Variants in RTL4 observed in about 807,000 individuals in gnomAD.
RTL4 encodes the protein retrotransposon Gag like 4, also known as retrotransposon Gag-like protein 4.
In RTL4, 4 loss-of-function variants were observed where a neutral mutation model predicts 5.3. That is an observed-to-expected ratio of 0.75 (90% CI 0.37 to 1.72). The LOEUF is 1.72. Ranked by LOEUF, RTL4 falls within the 40% of genes most tolerant of loss-of-function variation. The pLI is 0.04. For missense variants in RTL4, 260 were observed against 227.1 expected (o/e 1.14, Z -0.93); for synonymous variants, 98 against 87.3 (o/e 1.12, Z -0.68).
the RTL4 span, among the ~76,000 whole-genome samples, chrX:112,443,359 T>A: frequency 8.9e-6 from 1 of 111,937 alleles, no homozygotes; most frequent in Non-Finnish European, 1.9e-5. Flanking sequence ...TTGCTTCCAA[T>A]TCTTGGCTAT....
exon 1 of RTL4, chrX:112,454,819 C>T: frequency 8.3e-7 from 1 of 1,210,861 alleles, no homozygotes; most frequent in Non-Finnish European, 1.1e-6. Context: ...TCAAATGCAG[C>T]ATCCAACCAC....
the RTL4 span, among the ~76,000 whole-genome samples, chrX:112,326,795 G>A: frequency 0.011 from 1,175 of 111,528 alleles, 9 homozygotes; most frequent in Middle Eastern, 0.019. Context: ...CTCCCAGCAT[G>A]CAGCTGGAGA....
At chrX:112,094,311 A>G in the RTL4 span, among the ~76,000 whole-genome samples, 1 of 111,292 alleles carries the variant, frequency 9.0e-6, no homozygotes, top group South Asian at 3.8e-4. Context: ...TGGCTTGAAC[A>G]AGTAGGTAAA....
At chrX:112,194,351 G>A in the RTL4 span, among the ~76,000 whole-genome samples, 1 of 110,736 alleles carries the variant, frequency 9.0e-6, no homozygotes, top group Non-Finnish European at 1.9e-5. Context: ...CATGAGGGTT[G>A]GGCTCAAGAT....
chrX:112,409,346 T>G, the RTL4 span, among the ~76,000 whole-genome samples: 1 of 112,076 alleles, frequency 8.9e-6, no homozygotes, highest in Admixed American at 9.4e-5. Context: ...GTTATCAGTT[T>G]AAAATAATGG....
the RTL4 span, among the ~76,000 whole-genome samples, chrX:112,286,019 T>A: frequency 9.0e-6 from 1 of 111,704 alleles, no homozygotes; most frequent in Non-Finnish European, 1.9e-5. Flanking sequence ...GTCTAATGAG[T>A]GTTTTATACA....
At chrX:112,454,826 C>T (rs747635331) in exon 1 of RTL4, 1 of 1,211,084 alleles carries the variant, frequency 8.3e-7, no homozygotes, top group South Asian at 1.8e-5. Context: ...CAGCATCCAA[C>T]CACGGAGAAC....
chrX:112,353,118 A>G, the RTL4 span, among the ~76,000 whole-genome samples: 1 of 111,706 alleles, frequency 9.0e-6, no homozygotes, highest in African/African-American at 3.2e-5. Context: ...AAATGCAAAT[A>G]AAAACCACAT....
the RTL4 span, among the ~76,000 whole-genome samples, chrX:112,209,031 C>A: frequency 8.9e-6 from 1 of 112,266 alleles, no homozygotes; most frequent in African/African-American, 3.2e-5. Context: ...GCCACCGTGG[C>A]CACTTTGTTC....
At chrX:112,236,310 C>T in the RTL4 span, among the ~76,000 whole-genome samples, 1 of 104,362 alleles carries the variant, frequency 9.6e-6, no homozygotes, top group Non-Finnish European at 2.0e-5. Context: ...ATAATAGTAT[C>T]TAGCTCACAA....
At chrX:112,413,685 G>A in the RTL4 span, among the ~76,000 whole-genome samples, 1 of 110,951 alleles carries the variant, frequency 9.0e-6, no homozygotes, top group Non-Finnish European at 1.9e-5. Flanking sequence ...GTAGAAGGAT[G>A]GTGACAAGAG....
At chrX:112,083,273 C>T in the RTL4 span, among the ~76,000 whole-genome samples, 3 of 112,742 alleles carry the variant, frequency 2.7e-5, no homozygotes, top group East Asian at 5.7e-4. Flanking sequence ...CTCTCTTTGC[C>T]CCTTGGCCTG....
At chrX:112,365,543 A>G in the RTL4 span, among the ~76,000 whole-genome samples, 585 of 111,412 alleles carry the variant, frequency 5.3e-3, 5 homozygotes, top group African/African-American at 0.018. Context: ...CTTTTTGACC[A>G]AGTTACTTAA....
chrX:112,346,874 C>T, the RTL4 span, among the ~76,000 whole-genome samples: 1 of 111,498 alleles, frequency 9.0e-6, no homozygotes, highest in East Asian at 2.8e-4. Context: ...TACAGTGGTT[C>T]TCACCAATTT....
chrX:112,116,833 AC>A, the RTL4 span, among the ~76,000 whole-genome samples: 1 of 111,805 alleles, frequency 8.9e-6, no homozygotes, highest in Admixed American at 9.5e-5. Flanking sequence ...AGCAGAAATC[AC>A]TGAGGGTATA....
chrX:112,229,785 G>A, the RTL4 span, among the ~76,000 whole-genome samples: 1 of 112,134 alleles, frequency 8.9e-6, no homozygotes, highest in Non-Finnish European at 1.9e-5. Context: ...GGAGTTTACT[G>A]GAGGTCCACT....
At position 112,455,750 on chromosome X, in the gene RTL4, C is replaced by T. The variant is rs1307936137; in HGVS notation, c.*89C>T. 5 of 859,644 alleles carry T rather than the reference C, an allele frequency of 5.8e-6. No homozygotes were observed. The Admixed American group carries it at 1.4e-4, about 25-fold the overall frequency. 70.8% of individuals were successfully genotyped at this position (859,644 alleles called of 1,213,427 possible). ...TAACTTTTAAAATACAGATGGGGAA[C>T]TGTGACACCACTTTATAGGCAGTTA... On this transcript the variant is annotated 3_prime_UTR_variant, in exon 1 of 1. Coordinates refer to ENST00000340433, the Ensembl canonical transcript of RTL4.
the RTL4 span, among the ~76,000 whole-genome samples, chrX:112,262,834 A>C: frequency 9.2e-4 from 102 of 111,093 alleles, no homozygotes; most frequent in South Asian, 9.7e-3. Context: ...GAAAATGTGG[A>C]ACATATACAC....
At chrX:112,116,392 C>A in the RTL4 span, among the ~76,000 whole-genome samples, 1 of 110,668 alleles carries the variant, frequency 9.0e-6, no homozygotes, top group East Asian at 2.9e-4. Flanking sequence ...GGGTGAGCAG[C>A]AGCAAGATTT....
Sources: gnomAD v4.1 joint callset for allele counts (sites outside exome capture counted in the v4.1 genomes callset) on GRCh38, gnomAD v4.1.1 for gene constraint, MANE v1.5 for transcripts, NCBI Gene and HGNC (gene_info 2026-07-23, HGNC 2026-07-21) for gene names.